NRG1: variants seen among roughly 807,000 people sequenced by gnomAD.
The protein encoded by NRG1 is pro-neuregulin-1, membrane-bound isoform.
A neutral mutation model predicts 63.8 loss-of-function variants in NRG1; 18 were observed. The observed-to-expected ratio is 0.28, with a 90% CI of 0.19 to 0.42. The LOEUF is 0.42. Among genes scored for constraint, NRG1 ranks in the 10% least tolerant of loss-of-function variants. The probability of loss-of-function intolerance (pLI) is 1.00; values close to 1 mark genes in which losing one functional copy is unlikely to be tolerated. For missense variants in NRG1, 762 were observed against 814.7 expected (o/e 0.94, Z 0.79); for synonymous variants, 302 against 301.3 (o/e 1.00, Z -0.02).
intron 1 of NRG1, among the ~76,000 whole-genome samples, chr8:32,197,033 C>T (rs1166678640): frequency 7.4e-6 from 1 of 134,748 alleles, no homozygotes; most frequent in African/African-American, 2.7e-5. Context: ...GATCTTGGCT[C>T]ACTGCAACCT....
chr8:32,299,363 A>G (rs1272717642), intron 1 of NRG1, among the ~76,000 whole-genome samples: 8 of 152,208 alleles, frequency 5.3e-5, no homozygotes, highest in Admixed American at 4.6e-4. Flanking sequence ...CTATGGAGGA[A>G]TACATTCTAA....
At chr8:31,707,347 A>T (rs1312144599) in intron 1 of NRG1, among the ~76,000 whole-genome samples, 1 of 152,060 alleles carries the variant, frequency 6.6e-6, no homozygotes, top group African/African-American at 2.4e-5. Flanking sequence ...TTTCTGTTCA[A>T]TCTCTTTGGT....
In NRG1 at chr8:32,446,145, A is replaced by T. The variant is rs182109485; in HGVS notation, c.38-149683A>T. Among the ~76,000 whole-genome samples, 455 of 152,296 alleles carry T rather than the reference A, an allele frequency of 3.0e-3. 5 individuals are homozygous for T. Among genetic ancestry groups the T allele is most frequent in the South Asian group, 0.025 (120 of 4,828 alleles). ...TAGAGCACTATTGGTGTCACACAAA[A>T]CCTTGAAATCAGAATTGCCACAGAC... On this transcript the variant is annotated intron_variant, in intron 1 of 10. Coordinates refer to the NRG1 transcript ENST00000519301.
At chr8:32,568,147 A>G (rs1268155229) in intron 1 of NRG1, among the ~76,000 whole-genome samples, 1 of 152,224 alleles carries the variant, frequency 6.6e-6, no homozygotes, top group Admixed American at 6.5e-5. Flanking sequence ...GGGATTGGTC[A>G]TTCGCTGCTT....
intron 1 of NRG1, among the ~76,000 whole-genome samples, chr8:31,925,737 A>G (rs549765503): frequency 2.8e-4 from 43 of 151,956 alleles, no homozygotes; most frequent in African/African-American, 9.2e-4. Flanking sequence ...CAATTCTGCT[A>G]TGAAGCCCGT....
At chr8:32,765,390 A>C (rs1476706154) in exon 12 of NRG1, 1 of 152,232 alleles carries the variant, frequency 6.6e-6, no homozygotes, top group African/African-American at 2.4e-5. Context: ...CAGCACATGC[A>C]GCATTTTGTC....
intron 1 of NRG1, among the ~76,000 whole-genome samples, chr8:32,413,278 T>C (rs1815370979): frequency 6.6e-6 from 1 of 152,206 alleles, no homozygotes; most frequent in Non-Finnish European, 1.5e-5. Flanking sequence ...AAATACTACC[T>C]TCATTACAAA....
At chr8:32,138,722 G>C (rs1226966001) in intron 1 of NRG1, among the ~76,000 whole-genome samples, 1 of 151,810 alleles carries the variant, frequency 6.6e-6, no homozygotes, top group Non-Finnish European at 1.5e-5. Context: ...ACCACCAAGC[G>C]CAGCTAACTT....
intron 1 of NRG1, among the ~76,000 whole-genome samples, chr8:32,445,537 G>A (rs767749582): frequency 1.3e-5 from 2 of 152,144 alleles, no homozygotes; most frequent in African/African-American, 2.4e-5. Context: ...GACATGGGCT[G>A]TGAATGTGCA....
intron 1 of NRG1, among the ~76,000 whole-genome samples, chr8:32,159,824 A>G (rs987491017): frequency 1.1e-4 from 16 of 152,284 alleles, no homozygotes; most frequent in Middle Eastern, 6.8e-3. Flanking sequence ...TTATGATTCA[A>G]ATAATATATA....
chr8:32,676,450 G>T (rs544381952), intron 5 of NRG1, among the ~76,000 whole-genome samples: 1 of 152,242 alleles, frequency 6.6e-6, no homozygotes, highest in African/African-American at 2.4e-5. Flanking sequence ...TTCTCAATAT[G>T]ACAGAAGTTT....
intron 1 of NRG1, among the ~76,000 whole-genome samples, chr8:31,724,470 G>A (rs1346390666): frequency 6.6e-6 from 1 of 152,114 alleles, no homozygotes; most frequent in East Asian, 1.9e-4. Context: ...TGAGTGGCAA[G>A]TGTGTTAGTT....
At position 31,865,866 on chromosome 8, in the gene NRG1, T is replaced by G. The variant is rs186412119; in HGVS notation, c.37+226435T>G. 4.6e-3 allele frequency among the ~76,000 whole-genome samples: 704 copies of G among 152,286 alleles called. 5 individuals carry two copies. Among genetic ancestry groups the G allele is most frequent in the Non-Finnish European group, 6.6e-3 (447 of 68,010 alleles). On this transcript the variant is annotated intron_variant, in intron 1 of 10. Coordinates refer to the NRG1 transcript ENST00000519301. ...GTTTAGAGTTCCATCTGAGCAGTCA[T>G]ATTATTAGTAAGATATATATGTCGG... is the stretch of plus-strand genomic sequence containing the variant.
At chr8:32,097,472 C>A (rs1350685193) in intron 1 of NRG1, among the ~76,000 whole-genome samples, 1 of 152,102 alleles carries the variant, frequency 6.6e-6, no homozygotes, top group African/African-American at 2.4e-5. Context: ...TATAAAAGTT[C>A]CATTTTCTCG....
intron 1 of NRG1, among the ~76,000 whole-genome samples, chr8:31,934,166 A>C (rs1256854616): frequency 6.6e-6 from 1 of 152,112 alleles, no homozygotes; most frequent in Non-Finnish European, 1.5e-5. Flanking sequence ...TGGGGCATTA[A>C]AATTTTAGTA....
Position 32,533,275 on chromosome 8 carries a change from A to G in NRG1, c.38-62553A>G, listed in dbSNP as rs369413120. Among the ~76,000 whole-genome samples the G allele has an allele frequency of 6.0e-4, 91 of 152,218 alleles. No homozygotes were observed. In the South Asian group the frequency reaches 0.016, roughly 27 times the overall value. On this transcript the variant is annotated intron_variant, in intron 1 of 10. Transcript: ENST00000519301. ...CTGTTAAGAGCTTGATCTAGAAAATATAAGCTTAAACTGCTCTGTTTGGAA... is the reference window on the plus strand; with the variant it reads ...CTGTTAAGAGCTTGATCTAGAAAATGTAAGCTTAAACTGCTCTGTTTGGAA...
intron 1 of NRG1, among the ~76,000 whole-genome samples, chr8:31,751,473 A>C (rs1377562880): frequency 2.0e-5 from 3 of 151,966 alleles, no homozygotes; most frequent in Admixed American, 1.3e-4. Context: ...AAGGACAGAG[A>C]GTGTGGGAGA....
intron 1 of NRG1, among the ~76,000 whole-genome samples, chr8:32,444,755 G>C (rs909502827): frequency 1.3e-5 from 2 of 152,170 alleles, no homozygotes; most frequent in East Asian, 3.9e-4. Flanking sequence ...AGTTGCCTTT[G>C]ACGAATACAA....
At chr8:31,672,577 A>T (rs1807265214) in intron 1 of NRG1, among the ~76,000 whole-genome samples, 1 of 152,168 alleles carries the variant, frequency 6.6e-6, no homozygotes, top group Non-Finnish European at 1.5e-5. Context: ...AAAATATGGC[A>T]TGTAGCACAG....
Sources: gnomAD v4.1 joint callset for allele counts (sites outside exome capture counted in the v4.1 genomes callset) on GRCh38, gnomAD v4.1.1 for gene constraint, MANE v1.5 for transcripts, NCBI Gene and HGNC (gene_info 2026-07-23, HGNC 2026-07-21) for gene names.